Variants in DAP observed in about 807,000 individuals in gnomAD.
DAP encodes death-associated protein 1.
Under a neutral mutation model 13.8 loss-of-function variants are expected in DAP, and 8 were observed. The observed-to-expected ratio is 0.58, with a 90% CI of 0.34 to 1.05. The LOEUF (loss-of-function observed/expected upper bound fraction) is 1.05, where lower values mean the gene tolerates loss of function less well. DAP is among the 50% of genes least tolerant of loss of function. The pLI, the probability that DAP is intolerant of heterozygous loss-of-function variation, is 0.03. For missense variants in DAP, 106 were observed against 133.2 expected, an observed-to-expected ratio of 0.80 and a Z score of 1.01; for synonymous variants, 47 against 47.5, an observed-to-expected ratio of 0.99 and a Z score of 0.04.
chr5:10,689,653 C>T lies in DAP; in HGVS notation c.153-6082G>A, dbSNP rs761914478. Among the ~76,000 whole-genome samples the T allele has an allele frequency of 1.0e-3, 159 of 152,292 alleles. 1 individual carries two copies. Among genetic ancestry groups the T allele is most frequent in the Non-Finnish European group, 1.9e-3 (127 of 68,020 alleles). ...CTGGGTGGCGAGGGGTGAGGTGAGG[C>T]CCACCGGGTGTGGCGATGAGCCAGG... is the stretch of plus-strand genomic sequence containing the variant. On this transcript the variant is annotated intron_variant, in intron 2 of 3. Transcript: ENST00000230895.
intron 1 of DAP, 53 bp from the exon 2 acceptor site, chr5:10,748,324 G>A (rs1739963521): frequency 1.4e-6 from 2 of 1,467,178 alleles, no homozygotes; most frequent in Non-Finnish European, 1.9e-6. Flanking sequence ...GCTGCCTGTG[G>A]ATCAGGGGGA....
intron 2 of DAP, among the ~76,000 whole-genome samples, chr5:10,719,085 G>T (rs1312823010): frequency 6.6e-6 from 1 of 152,214 alleles, no homozygotes; most frequent in African/African-American, 2.4e-5. Context: ...AAATTTCTAA[G>T]GGTCCAGTGG....
At chr5:10,696,045 G>A (rs1484013896) in intron 2 of DAP, among the ~76,000 whole-genome samples, 1 of 152,100 alleles carries the variant, frequency 6.6e-6, no homozygotes, top group African/African-American at 2.4e-5. Context: ...GCTCCAGAAA[G>A]CTCCTGTGTG....
chr5:10,689,603 A>C (rs1738251308), intron 2 of DAP, among the ~76,000 whole-genome samples: 1 of 152,252 alleles, frequency 6.6e-6, no homozygotes. Context: ...TAGGCTCAGC[A>C]TAAGAAATGT....
intron 2 of DAP, among the ~76,000 whole-genome samples, chr5:10,690,832 T>C (rs1361593576): frequency 1.3e-5 from 2 of 152,228 alleles, no homozygotes; most frequent in Non-Finnish European, 2.9e-5. Flanking sequence ...GGTAATTCTG[T>C]GTTTAACTTT....
chr5:10,731,749 C>A (rs1007638901), intron 2 of DAP, among the ~76,000 whole-genome samples: 8 of 152,172 alleles, frequency 5.3e-5, no homozygotes, highest in Admixed American at 1.3e-4. Flanking sequence ...GGGCTTCTGG[C>A]GAAGCTTTAC....
At chr5:10,697,765 A>T (rs929924759) in intron 2 of DAP, among the ~76,000 whole-genome samples, 1 of 152,258 alleles carries the variant, frequency 6.6e-6, no homozygotes, top group African/African-American at 2.4e-5. Context: ...ACAGACACCA[A>T]AAAACTCATC....
intron 1 of DAP, among the ~76,000 whole-genome samples, chr5:10,757,563 G>A (rs777914711): frequency 1.6e-4 from 25 of 152,100 alleles, no homozygotes; most frequent in Non-Finnish European, 5.9e-5. Flanking sequence ...CGTGAGCCAC[G>A]ACACCCGGCT....
intron 1 of DAP, among the ~76,000 whole-genome samples, chr5:10,757,981 A>C (rs1051942095): frequency 1.3e-5 from 2 of 152,208 alleles, no homozygotes; most frequent in African/African-American, 4.8e-5. Context: ...CGGGGAATGT[A>C]CAGGAGATAT....
At chr5:10,693,329 T>C (rs1738354462) in intron 2 of DAP, among the ~76,000 whole-genome samples, 1 of 152,236 alleles carries the variant, frequency 6.6e-6, no homozygotes, top group South Asian at 2.1e-4. Context: ...TGCTGTCTCC[T>C]TTTCATGTAA....
intron 2 of DAP, among the ~76,000 whole-genome samples, chr5:10,705,866 G>A (rs1738684840): frequency 6.6e-6 from 1 of 152,196 alleles, no homozygotes; most frequent in African/African-American, 2.4e-5. Context: ...TGTGCTTGGT[G>A]AGACATTAGT....
chr5:10,698,956 A>C (rs1738498230), intron 2 of DAP, among the ~76,000 whole-genome samples: 1 of 152,236 alleles, frequency 6.6e-6, no homozygotes, highest in East Asian at 1.9e-4. Flanking sequence ...AAATTTGCTT[A>C]GTTCTGATTG....
At chr5:10,692,765 C>T (rs1463981957) in intron 2 of DAP, among the ~76,000 whole-genome samples, 1 of 152,172 alleles carries the variant, frequency 6.6e-6, no homozygotes, top group African/African-American at 2.4e-5. Context: ...GAGAGCAGGT[C>T]AGCCAGGAAA....
intron 2 of DAP, among the ~76,000 whole-genome samples, chr5:10,684,857 T>A (rs1165415387): frequency 6.6e-6 from 1 of 152,134 alleles, no homozygotes; most frequent in African/African-American, 2.4e-5. Context: ...TCAGCCCAGC[T>A]GGGACAGCGC....
intron 2 of DAP, among the ~76,000 whole-genome samples, chr5:10,727,891 GT>G (rs1394391404): frequency 6.6e-6 from 1 of 152,088 alleles, no homozygotes; most frequent in Non-Finnish European, 1.5e-5. Flanking sequence ...ATCATCTCCA[GT>G]TACTTACAAT....
intron 2 of DAP, among the ~76,000 whole-genome samples, chr5:10,747,646 TGTTA>T (rs1478851174): frequency 1.3e-5 from 2 of 152,178 alleles, no homozygotes; most frequent in Admixed American, 6.5e-5. Context: ...GCCCAGAAAT[TGTTA>T]GTATTTGTTT....
At chr5:10,751,750 C>T (rs267940) in intron 1 of DAP, among the ~76,000 whole-genome samples, 138,885 of 152,260 alleles carry the variant, frequency 0.91, 63,838 homozygotes, top group Non-Finnish European at 0.97. Context: ...GACACCGGGT[C>T]GTGCACACAC....
intron 2 of DAP, among the ~76,000 whole-genome samples, chr5:10,686,959 C>T (rs565279144): frequency 6.6e-6 from 1 of 152,350 alleles, no homozygotes; most frequent in Admixed American, 6.5e-5. Context: ...TTAGTAGGGA[C>T]TAATGCAGCT....
rs184494468 is a variant in DAP, at chr5:10,679,367, T to C, written c.*1689A>G. 1 of 152,442 alleles carries C rather than the reference T, an allele frequency of 6.6e-6. No homozygotes were observed. The highest frequency in any genetic ancestry group is 2.4e-5 in the African/African-American group (1 of 41,566). The allele number at this position is 152,442 out of a possible 1,614,324, so 9.4% of individuals were successfully genotyped here. A position where few individuals can be genotyped will look rare whatever the true frequency, so the allele number is the denominator to read the frequency against. On this transcript the variant is annotated 3_prime_UTR_variant, in exon 4 of 4. Transcript: ENST00000230895. ...CATGCCACATCTAGCTAAAAGTACA[T>C]AAAAAGCGCACCTCTGGAAATAACA...
Sources: gnomAD v4.1 joint callset for allele counts (sites outside exome capture counted in the v4.1 genomes callset) on GRCh38, gnomAD v4.1.1 for gene constraint, MANE v1.5 for transcripts, NCBI Gene and HGNC (gene_info 2026-07-23, HGNC 2026-07-21) for gene names.